Variants in CTBP2 observed in about 807,000 individuals in gnomAD.
The protein encoded by CTBP2 is C-terminal binding protein 2.
A neutral mutation model predicts 80.3 loss-of-function variants in CTBP2; 30 were observed. That is an observed-to-expected ratio of 0.37 (90% confidence interval 0.28 to 0.51). CTBP2 has a LOEUF of 0.51. CTBP2 is among the 20% of genes least tolerant of loss of function. The pLI, the probability that CTBP2 is intolerant of heterozygous loss-of-function variation, is 0.93. For missense variants in CTBP2, 1,212 were observed against 1,375.3 expected, an observed-to-expected ratio of 0.88 and a Z score of 1.88; for synonymous variants, 594 against 587.4, an observed-to-expected ratio of 1.01 and a Z score of -0.16.
chr10:125,138,574 T>G (rs1279637319), intron 1 of CTBP2, among the ~76,000 whole-genome samples: 1 of 151,088 alleles, frequency 6.6e-6, no homozygotes, highest in Non-Finnish European at 1.5e-5. Flanking sequence ...TAATCAAATG[T>G]GTAAGATTGG....
At chr10:125,056,481 T>A (rs1963963013) in intron 2 of CTBP2, among the ~76,000 whole-genome samples, 1 of 152,138 alleles carries the variant, frequency 6.6e-6, no homozygotes, top group Admixed American at 6.5e-5. Flanking sequence ...CCAGATGCCT[T>A]CAGAAGAGTG....
chr10:125,099,704 G>C (rs558423938), intron 2 of CTBP2, among the ~76,000 whole-genome samples: 3 of 152,372 alleles, frequency 2.0e-5, no homozygotes, highest in African/African-American at 7.2e-5. Context: ...AGCTACCAGG[G>C]GAGGTGGCAC....
Position 124,987,810 on chromosome 10 carries a change from T to C in CTBP2, c.*1708A>G, listed in dbSNP as rs925511423. On this transcript the variant is annotated 3_prime_UTR_variant, in exon 9 of 9. Coordinates refer to ENST00000309035, the MANE Select transcript of CTBP2 (RefSeq NM_022802.3). Reference sequence around the variant, plus strand: ...TATAAGGAAGAGCTCAGAGGGAGTTTCATACCTGGAATTGTTGGACTTAAT... The same window carrying C: ...TATAAGGAAGAGCTCAGAGGGAGTTCCATACCTGGAATTGTTGGACTTAAT... 5.3e-5 allele frequency: 8 copies of C among 152,224 alleles called. No individual in the cohort carries two copies. The highest frequency in any genetic ancestry group is 1.7e-4 in the African/African-American group (7 of 41,446). 9.4% of individuals were successfully genotyped at this position (152,224 alleles called of 1,614,324 possible). A position where few individuals can be genotyped will look rare whatever the true frequency, so the allele number is the denominator to read the frequency against.
At position 125,046,537 on chromosome 10, in the gene CTBP2, C is replaced by CAAAAA. The variant is rs57913854; in HGVS notation, c.-101-7387_-101-7383dup. Reference sequence around the variant, plus strand: ...TGAGTGACAGAGTGAGACTCTATCTCAAAAAAAAAAAAAAAAAAGAATTTG... The same window carrying CAAAAA: ...TGAGTGACAGAGTGAGACTCTATCTCAAAAAAAAAAAAAAAAAAAAAAAGAATTTG... On this transcript the variant is annotated intron_variant, in intron 2 of 10. Transcript: ENST00000337195. 1.2e-3 allele frequency among the ~76,000 whole-genome samples: 142 copies of CAAAAA among 114,720 alleles called. 3 individuals carry two copies. Among genetic ancestry groups the CAAAAA allele is most frequent in the South Asian group, 2.7e-3 (9 of 3,286 alleles). 75.3% of individuals were successfully genotyped at this position (114,720 alleles called of 152,430 possible).
At chr10:125,072,343 A>C (rs1845610253) in intron 2 of CTBP2, among the ~76,000 whole-genome samples, 1 of 152,120 alleles carries the variant, frequency 6.6e-6, no homozygotes, top group Non-Finnish European at 1.5e-5. Flanking sequence ...AGCTGGGTGC[A>C]GTGACTCACG....
chr10:124,999,425 G>T (rs1384454811), intron 3 of CTBP2: 1 of 152,342 alleles, frequency 6.6e-6, no homozygotes, highest in East Asian at 1.9e-4. Context: ...AGCTTCTTCG[G>T]CTCTACTGGA....
intron 2 of CTBP2, among the ~76,000 whole-genome samples, chr10:125,098,443 G>A (rs909589285): frequency 1.3e-5 from 2 of 152,066 alleles, no homozygotes; most frequent in African/African-American, 2.4e-5. Context: ...TGGTATATGC[G>A]TGGTCCGTAA....
chr10:125,059,351 C>T (rs1030829950), intron 2 of CTBP2, among the ~76,000 whole-genome samples: 13 of 152,058 alleles, frequency 8.5e-5, no homozygotes, highest in South Asian at 2.1e-4. Context: ...GAGGCTGAGG[C>T]GGGCAGGTCA....
At chr10:125,040,876 A>C (rs996679487) in intron 2 of CTBP2, among the ~76,000 whole-genome samples, 1 of 152,250 alleles carries the variant, frequency 6.6e-6, no homozygotes, top group African/African-American at 2.4e-5. Context: ...TCCATAAAAG[A>C]GCTACGAAAA....
intron 2 of CTBP2, among the ~76,000 whole-genome samples, chr10:125,072,250 A>G (rs1403715420): frequency 6.6e-6 from 1 of 152,218 alleles, no homozygotes; most frequent in Non-Finnish European, 1.5e-5. Flanking sequence ...ACTGCACTCC[A>G]GCCTGGAGAG....
At chr10:125,077,570 GA>G (rs1846468738) in intron 2 of CTBP2, among the ~76,000 whole-genome samples, 1 of 152,152 alleles carries the variant, frequency 6.6e-6, no homozygotes, top group African/African-American at 2.4e-5. Flanking sequence ...TTTTTGAAGG[GA>G]TCAAAGAATA....
chr10:125,016,890 A>G (rs1208610548), intron 1 of CTBP2, among the ~76,000 whole-genome samples: 1 of 152,252 alleles, frequency 6.6e-6, no homozygotes, highest in South Asian at 2.1e-4. Context: ...TATAAAAAGC[A>G]TCTAATAGGC....
Position 124,989,030 on chromosome 10 carries a change from G to GCAAA in CTBP2, c.*484_*487dup, listed in dbSNP as rs1276904247. On this transcript the variant is annotated 3_prime_UTR_variant, in exon 9 of 9. Coordinates refer to ENST00000309035, the MANE Select transcript of CTBP2 (RefSeq NM_022802.3). ...CTATGCGTGCAGGTGTCTACCACAG[G>GCAAA]CAAACAGTTTTCTCCCCATTTTGTA... The GCAAA allele has an allele frequency of 9.7e-6, 2 of 207,006 alleles. No homozygotes were observed. The highest frequency in any genetic ancestry group is 2.0e-5 in the Non-Finnish European group (2 of 102,134). The allele number at this position is 207,006 out of a possible 1,614,324, so 12.8% of individuals were successfully genotyped here.
At chr10:125,014,976 G>A (rs180848153) in intron 1 of CTBP2, among the ~76,000 whole-genome samples, 372 of 152,308 alleles carry the variant, frequency 2.4e-3, no homozygotes, top group Non-Finnish European at 4.4e-3. Context: ...CAAGCTCCCC[G>A]TACCAGGCAG....
chr10:125,076,108 T>G (rs1388915408), intron 2 of CTBP2, among the ~76,000 whole-genome samples: 1 of 148,976 alleles, frequency 6.7e-6, no homozygotes, highest in Non-Finnish European at 1.5e-5. Context: ...CCTCCCTCCC[T>G]CCCATGAGGA....
At chr10:125,082,612 C>CAG (rs56283046) in intron 2 of CTBP2, among the ~76,000 whole-genome samples, 21,528 of 126,046 alleles carry the variant, frequency 0.17, 1,717 homozygotes, top group Middle Eastern at 0.29. Flanking sequence ...TTTTTTGAAA[C>CAG]AGTCTTGCTC....
At chr10:125,074,507 A>G (rs949951740) in intron 2 of CTBP2, among the ~76,000 whole-genome samples, 2 of 152,188 alleles carry the variant, frequency 1.3e-5, no homozygotes, top group African/African-American at 4.8e-5. Context: ...GGCGCCCGCC[A>G]TCACACCCAG....
At chr10:125,120,795 A>T (rs1446510528) in intron 1 of CTBP2, among the ~76,000 whole-genome samples, 1 of 152,212 alleles carries the variant, frequency 6.6e-6, no homozygotes, top group Non-Finnish European at 1.5e-5. Flanking sequence ...TTCTGGGCTC[A>T]GCCTCCTGTA....
At chr10:125,131,591 A>G (rs1856202913) in intron 1 of CTBP2, among the ~76,000 whole-genome samples, 1 of 152,222 alleles carries the variant, frequency 6.6e-6, no homozygotes, top group Non-Finnish European at 1.5e-5. Flanking sequence ...GGAACTACCC[A>G]ACTCACTGTA....
Sources: allele counts gnomAD v4.1 joint callset (sites outside exome capture counted in the v4.1 genomes callset), GRCh38; gene constraint gnomAD v4.1.1; transcripts MANE v1.5; gene names NCBI Gene and HGNC (gene_info 2026-07-23, HGNC 2026-07-21).